CAP2: variants seen among roughly 807,000 people sequenced by gnomAD.
CAP2 encodes the protein adenylyl cyclase-associated protein 2.
A neutral mutation model predicts 57.7 loss-of-function variants in CAP2; 24 were observed. That is an observed-to-expected ratio of 0.42 (90% CI 0.30 to 0.58). CAP2 has a LOEUF of 0.58. Ranked by LOEUF, CAP2 falls within the 20% of genes least tolerant of loss-of-function variation. The pLI is 0.22. For missense variants in CAP2, 501 were observed against 590.3 expected, an observed-to-expected ratio of 0.85 and a Z score of 1.57; for synonymous variants, 194 against 207.2, an observed-to-expected ratio of 0.94 and a Z score of 0.55.
intron 3 of CAP2, among the ~76,000 whole-genome samples, chr6:17,460,984 C>T (rs1397571775): frequency 6.6e-6 from 1 of 152,038 alleles, no homozygotes; most frequent in African/African-American, 2.4e-5. Flanking sequence ...CTTACCTCTA[C>T]TAAAAAATTC....
intron 4 of CAP2, among the ~76,000 whole-genome samples, chr6:17,463,440 T>A (rs1472710349): frequency 6.6e-6 from 1 of 152,236 alleles, no homozygotes; most frequent in African/African-American, 2.4e-5. Flanking sequence ...CACAACCTTT[T>A]TATAATCAAG....
chr6:17,452,027 A>G (rs991177871), intron 3 of CAP2, among the ~76,000 whole-genome samples: 10 of 152,350 alleles, frequency 6.6e-5, no homozygotes, highest in Admixed American at 5.2e-4. Flanking sequence ...ACATTATTTG[A>G]AAGTCTAAAA....
intron 1 of CAP2, among the ~76,000 whole-genome samples, chr6:17,410,260 A>G (rs1759103419): frequency 6.6e-6 from 1 of 152,062 alleles, no homozygotes; most frequent in Non-Finnish European, 1.5e-5. Context: ...GTAATTCTCA[A>G]AGTGTGGGCC....
chr6:17,397,881 G>A (rs1232854174), intron 1 of CAP2, among the ~76,000 whole-genome samples: 2 of 150,964 alleles, frequency 1.3e-5, no homozygotes, highest in African/African-American at 4.9e-5. Context: ...TGGCACACAT[G>A]TGCAAGAGTT....
rs960792891 is a variant in CAP2, at chr6:17,449,413, AT to A, written c.223-13573del. On this transcript the variant is annotated intron_variant, in intron 3 of 12. Coordinates refer to ENST00000229922, the MANE Select transcript of CAP2 (RefSeq NM_006366.3). Reference sequence around the variant, plus strand: ...CTTGTGCAATTATTTTATTATTATTATTTTTTTTTTGAGACACAGTTTCATT... The same window carrying A: ...CTTGTGCAATTATTTTATTATTATTATTTTTTTTTGAGACACAGTTTCATT... Among the ~76,000 whole-genome samples, 424 of 149,366 alleles carry A rather than the reference AT, an allele frequency of 2.8e-3. 2 individuals are homozygous for A. The highest frequency in any genetic ancestry group is 9.3e-3 in the African/African-American group (379 of 40,904).
At chr6:17,433,411 C>G (rs1759794070) in intron 3 of CAP2, among the ~76,000 whole-genome samples, 1 of 152,232 alleles carries the variant, frequency 6.6e-6, no homozygotes, top group South Asian at 2.1e-4. Context: ...TCTCCCACCA[C>G]CCTTGTGGTA....
chr6:17,471,166 C>T (rs1423654460), intron 4 of CAP2, among the ~76,000 whole-genome samples: 2 of 152,026 alleles, frequency 1.3e-5, no homozygotes, highest in East Asian at 1.9e-4. Flanking sequence ...GAAAAGCAAA[C>T]GAAGGAACAC....
chr6:17,482,499 C>A (rs1224337947), intron 4 of CAP2, among the ~76,000 whole-genome samples: 1 of 112,720 alleles, frequency 8.9e-6, no homozygotes, highest in African/African-American at 3.6e-5. Context: ...GAGAGCGAGA[C>A]TCCATCTCAA....
chr6:17,475,889 G>A (rs1761141643), intron 4 of CAP2, among the ~76,000 whole-genome samples: 1 of 152,228 alleles, frequency 6.6e-6, no homozygotes, highest in Non-Finnish European at 1.5e-5. Flanking sequence ...GGTTTATCCT[G>A]TCTCTGTGCA....
At chr6:17,531,672 A>C in intron 7 of CAP2, 1 of 831,472 alleles carries the variant, frequency 1.2e-6, no homozygotes, top group Non-Finnish European at 1.9e-6. Context: ...TCTGCTTGTT[A>C]AAAATGGGTA....
At chr6:17,493,277 A>G (rs1158320113) in intron 4 of CAP2, 8 of 208,106 alleles carry the variant, frequency 3.8e-5, no homozygotes, top group South Asian at 2.9e-4. Context: ...ATCCACTCAT[A>G]TAACCCAAAT....
rs116191781 is a variant in CAP2 at position 17,493,865 on chromosome 6, C to T, written c.301-13304C>T. Among the ~76,000 whole-genome samples the T allele has an allele frequency of 2.2e-3, 332 of 151,996 alleles. 4 individuals are homozygous for T. The highest frequency in any genetic ancestry group is 7.3e-3 in the African/African-American group (302 of 41,452). On this transcript the variant is annotated intron_variant, in intron 4 of 12. Transcript: ENST00000229922. ...CTGGGAACACCTGGTTGAGGGCAGC[C>T]GAAACAGTACGTCTAAATCGGAATT...
At chr6:17,455,512 T>G (rs1760536092) in intron 3 of CAP2, among the ~76,000 whole-genome samples, 1 of 151,930 alleles carries the variant, frequency 6.6e-6, no homozygotes, top group South Asian at 2.1e-4. Flanking sequence ...CCAAGTGTAC[T>G]TTACCTCCTT....
At chr6:17,409,314 G>T (rs973332042) in intron 1 of CAP2, among the ~76,000 whole-genome samples, 1 of 151,834 alleles carries the variant, frequency 6.6e-6, no homozygotes, top group Admixed American at 6.6e-5. Context: ...GGATGTTGCG[G>T]TGAGCCGAGA....
In CAP2 at chr6:17,438,152, G is replaced by T. The variant is rs1759952824; in HGVS notation, c.222+11462G>T. Among the ~76,000 whole-genome samples, 4 of 147,044 alleles carry T rather than the reference G, an allele frequency of 2.7e-5. No homozygotes were observed. In the South Asian group the frequency reaches 8.4e-4, roughly 31 times the overall value. The stretch of plus-strand genomic sequence containing the variant: ...GGAGGCCAAGGTGGGCGGATCACAA[G>T]GTCAGGAGTTCAAGACCAGCTTGGC... On this transcript the variant is annotated intron_variant, in intron 3 of 12. Transcript: ENST00000229922.
In CAP2 at chr6:17,513,266, A is replaced by T. The variant is rs370140215; in HGVS notation, c.531-583A>T. On this transcript the variant is annotated intron_variant, in intron 6 of 12. Coordinates refer to ENST00000229922, the MANE Select transcript of CAP2 (RefSeq NM_006366.3). The surrounding 1 kb of genome is among the most constrained non-coding windows in gnomAD (Gnocchi z 4.3). ...AGTATTAAATTAAGGGAATTTAAGT[A>T]AATGTCCCTTTAGAAGTAAGGGGTG... is the stretch of plus-strand genomic sequence containing the variant. Among the ~76,000 whole-genome samples, 24 of 152,146 alleles carry T rather than the reference A, an allele frequency of 1.6e-4. No homozygotes were observed. The highest frequency in any genetic ancestry group is 5.8e-4 in the African/African-American group (24 of 41,428).
intron 3 of CAP2, among the ~76,000 whole-genome samples, chr6:17,436,687 TCTC>T (rs796069560): frequency 2.6e-5 from 4 of 151,894 alleles, no homozygotes; most frequent in African/African-American, 9.7e-5. Context: ...CTTGCTCCAG[TCTC>T]CTCTCAAGCC....
intron 1 of CAP2, among the ~76,000 whole-genome samples, chr6:17,400,590 A>G (rs1257278963): frequency 1.3e-5 from 2 of 152,138 alleles, no homozygotes; most frequent in African/African-American, 2.4e-5. Context: ...TTGGCCGGGC[A>G]CAGTGGCTCA....
intron 2 of CAP2, among the ~76,000 whole-genome samples, chr6:17,425,674 T>C (rs1759570612): frequency 6.6e-6 from 1 of 152,182 alleles, no homozygotes; most frequent in South Asian, 2.1e-4. Flanking sequence ...CATTTCCTCA[T>C]CTGTGATGGT....
Sources: allele counts gnomAD v4.1 joint callset (sites outside exome capture counted in the v4.1 genomes callset), GRCh38; gene constraint gnomAD v4.1.1; non-coding constraint Gnocchi (gnomAD v3.1); transcripts MANE v1.5; gene names NCBI Gene and HGNC (gene_info 2026-07-23, HGNC 2026-07-21).